Variants in B4GALNT2 observed in about 807,000 individuals in gnomAD.
B4GALNT2 encodes beta-1,4-N-acetyl-galactosaminyltransferase 2 (SID blood group), also known as N-acetylneuraminylgalactosylglucosyl-glucoside beta-1,4-N- acetylgalactosaminyltransferase 2.
Under a neutral mutation model 51.1 loss-of-function variants are expected in B4GALNT2, and 42 were observed. The observed-to-expected ratio is 0.82, with a 90% CI of 0.64 to 1.06. B4GALNT2 has a LOEUF of 1.06. Ranked by LOEUF, B4GALNT2 falls within the 50% of genes least tolerant of loss-of-function variation. The probability of loss-of-function intolerance (pLI) is 0.00; values close to 1 mark genes in which losing one functional copy is unlikely to be tolerated. For synonymous variants in B4GALNT2, 253 were observed against 251.7 expected (o/e 1.01, Z -0.05); for missense variants, 602 against 633.6 (o/e 0.95, Z 0.54).
At chr17:49,162,912 C>CAAAAAAAAAAAA (rs34568226) in intron 7 of B4GALNT2, among the ~76,000 whole-genome samples, 1 of 53,622 alleles carries the variant, frequency 1.9e-5, no homozygotes, top group Non-Finnish European at 3.1e-5. Flanking sequence ...GAAACTGTCT[C>CAAAAAAAAAAAA]AAAAAAAAAA....
chr17:49,135,342 CCTT>C (rs926179020), intron 1 of B4GALNT2, among the ~76,000 whole-genome samples: 4 of 151,650 alleles, frequency 2.6e-5, no homozygotes, highest in Non-Finnish European at 5.9e-5. Context: ...ATATAGCTAT[CCTT>C]CTTTTTTTTT....
intron 1 of B4GALNT2, among the ~76,000 whole-genome samples, chr17:49,139,036 T>A (rs1232695215): frequency 1.3e-5 from 2 of 152,196 alleles, no homozygotes; most frequent in Admixed American, 1.3e-4. Context: ...TTAATTTTTT[T>A]ACTATATTTT....
chr17:49,140,076 C>T (rs938665329), intron 1 of B4GALNT2, among the ~76,000 whole-genome samples: 8 of 149,390 alleles, frequency 5.4e-5, no homozygotes, highest in African/African-American at 9.7e-5. Flanking sequence ...ATAATAACCA[C>T]GTGAATAAAA....
rs1201916044 is a variant in B4GALNT2, at chr17:49,174,230, C to T, written c.*4502C>T. The T allele has an allele frequency of 7.2e-5, 11 of 152,104 alleles. No individual in the cohort carries two copies. The highest frequency in any genetic ancestry group is 1.5e-5 in the Non-Finnish European group (1 of 68,022). The allele number at this position is 152,104 out of a possible 1,614,324, so 9.4% of individuals were successfully genotyped here. On this transcript the variant is annotated 3_prime_UTR_variant, in exon 11 of 11. Coordinates refer to ENST00000393354, the MANE Select transcript of B4GALNT2 (RefSeq NM_001159387.2). ...AATATTTCTCGAGTGGGGGGCAGCA[C>T]AAAGTATATCGTCCATATAATGAAT...
upstream of B4GALNT2, among the ~76,000 whole-genome samples, chr17:49,129,237 G>A (rs1402168208): frequency 6.6e-6 from 1 of 151,754 alleles, no homozygotes; most frequent in Non-Finnish European, 1.5e-5. Context: ...GAGGAGGAGG[G>A]GAGAAAGCGA....
At chr17:49,147,510 G>A (rs2042706741) in intron 3 of B4GALNT2, among the ~76,000 whole-genome samples, 1 of 151,764 alleles carries the variant, frequency 6.6e-6, no homozygotes, top group Non-Finnish European at 1.5e-5. Flanking sequence ...AAATAGCTGG[G>A]ACTACAGGTG....
intron 8 of B4GALNT2, 95 bp downstream of exon 8, chr17:49,164,370 C>A: frequency 8.5e-7 from 1 of 1,171,540 alleles, no homozygotes; most frequent in Non-Finnish European, 1.2e-6. Flanking sequence ...CCTCAAGGGT[C>A]TTCCCAAGAA....
intron 5 of B4GALNT2, among the ~76,000 whole-genome samples, chr17:49,158,019 G>A (rs748839568): frequency 4.0e-4 from 61 of 152,292 alleles, no homozygotes; most frequent in South Asian, 1.5e-3. Flanking sequence ...GTGGCTGTGG[G>A]GGTAGCAATG....
chr17:49,148,562 G>T, intron 3 of B4GALNT2: 1 of 410,986 alleles, frequency 2.4e-6, no homozygotes, highest in Admixed American at 2.9e-5. Context: ...GCAGATGGAG[G>T]TCATCATGGA....
chr17:49,120,488 G>GTC, the B4GALNT2 span, among the ~76,000 whole-genome samples: 2 of 69,724 alleles, frequency 2.9e-5, no homozygotes, highest in African/African-American at 5.2e-5. Flanking sequence ...GTGTGTCTGT[G>GTC]TGTGTGTGTG....
At chr17:49,148,173 G>A (rs2042714265) in intron 3 of B4GALNT2, among the ~76,000 whole-genome samples, 1 of 151,838 alleles carries the variant, frequency 6.6e-6, no homozygotes, top group Admixed American at 6.6e-5. Flanking sequence ...GATGGTGGGC[G>A]CCTGTAATCC....
chr17:49,167,067 C>T (rs2042917429), intron 9 of B4GALNT2, among the ~76,000 whole-genome samples: 2 of 152,210 alleles, frequency 1.3e-5, no homozygotes, highest in African/African-American at 4.8e-5. Context: ...ACAGTTAACT[C>T]TACTGCAAGT....
rs561488248 is a variant in B4GALNT2 at position 49,172,987 on chromosome 17, A to G, written c.*3259A>G. ...GGCAAGTTGGGCATCGCTGGATAAT[A>G]GCTTTAGCTTCTTTCCAGGTAATGC... On this transcript the variant is annotated 3_prime_UTR_variant, in exon 11 of 11. Coordinates refer to ENST00000393354, the MANE Select transcript of B4GALNT2 (RefSeq NM_001159387.2). 2.0e-5 allele frequency: 3 copies of G among 152,386 alleles called. No individual in the cohort carries two copies. The highest frequency in any genetic ancestry group is 2.1e-4 in the South Asian group (1 of 4,832). The allele number at this position is 152,386 out of a possible 1,614,324, so 9.4% of individuals were successfully genotyped here. A position where few individuals can be genotyped will look rare whatever the true frequency, so the allele number is the denominator to read the frequency against.
chr17:49,140,241 C>T (rs1350607318), intron 1 of B4GALNT2, among the ~76,000 whole-genome samples: 1 of 151,864 alleles, frequency 6.6e-6, no homozygotes, highest in East Asian at 1.9e-4. Flanking sequence ...GCTGGGACTA[C>T]AGGCGTCCGC....
At chr17:49,147,804 C>T (rs537189383) in intron 3 of B4GALNT2, among the ~76,000 whole-genome samples, 3 of 151,968 alleles carry the variant, frequency 2.0e-5, no homozygotes, top group Admixed American at 6.6e-5. Context: ...TGTATTATTC[C>T]ACACTATTTT....
chr17:49,122,201 T>G, the B4GALNT2 span, among the ~76,000 whole-genome samples: 1 of 152,236 alleles, frequency 6.6e-6, no homozygotes, highest in Non-Finnish European at 1.5e-5. Context: ...CATGCTGACC[T>G]TAGCCATTAG....
At chr17:49,137,386 A>T (rs986627959) in intron 1 of B4GALNT2, among the ~76,000 whole-genome samples, 8 of 152,156 alleles carry the variant, frequency 5.3e-5, no homozygotes, top group Non-Finnish European at 8.8e-5. Context: ...GATTCCTCAT[A>T]AAAGGACAAA....
In B4GALNT2 at chr17:49,172,007, C is replaced by T. The variant is rs1033379432; in HGVS notation, c.*2279C>T. 3.8e-5 allele frequency: 10 copies of T among 265,072 alleles called. No homozygotes were observed. The highest frequency in any genetic ancestry group is 2.3e-4 in the African/African-American group (10 of 42,902). The allele number at this position is 265,072 out of a possible 1,614,324, so 16.4% of individuals were successfully genotyped here. A position where few individuals can be genotyped will look rare whatever the true frequency, so the allele number is the denominator to read the frequency against. On this transcript the variant is annotated 3_prime_UTR_variant, in exon 11 of 11. Transcript: ENST00000393354. ...TGATAAATATGCCCAATAAGTATAA[C>T]TGTTCTCTGTGTTGTTCCTTGTTGA...
chr17:49,155,281 GA>G (rs1177505987), intron 4 of B4GALNT2, among the ~76,000 whole-genome samples: 5 of 122,166 alleles, frequency 4.1e-5, no homozygotes, highest in African/African-American at 1.6e-4. Context: ...CTGGATGACA[GA>G]GTGAGATTCA....
Sources: gnomAD v4.1 joint callset for allele counts (sites outside exome capture counted in the v4.1 genomes callset) on GRCh38, gnomAD v4.1.1 for gene constraint, MANE v1.5 for transcripts, NCBI Gene and HGNC (gene_info 2026-07-23, HGNC 2026-07-21) for gene names.